Variants in SLC17A4 observed in about 807,000 individuals in gnomAD.
The protein encoded by SLC17A4 is probable small intestine urate exporter.
SLC17A4 carries 33 observed loss-of-function variants against 52.5 expected under a neutral mutation model. The observed-to-expected ratio is 0.63, with a 90% CI of 0.48 to 0.84. The LOEUF is 0.84. Among genes scored for constraint, SLC17A4 ranks in the 40% least tolerant of loss-of-function variants. The probability of loss-of-function intolerance (pLI) is 0.00; values close to 1 mark genes in which losing one functional copy is unlikely to be tolerated. For missense variants in SLC17A4, 585 were observed against 597.1 expected (o/e 0.98, Z 0.21); for synonymous variants, 225 against 216.2 (o/e 1.04, Z -0.36).
At chr6:25,761,879 T>C in intron 1 of SLC17A4, 48 bp from the exon 2 acceptor site, 1 of 1,100,002 alleles carries the variant, frequency 9.1e-7, no homozygotes, top group Non-Finnish European at 1.3e-6. Context: ...TGGGGTAATA[T>C]CATATAAGAT....
chr6:25,767,874 C>T (rs1206207723), intron 2 of SLC17A4, among the ~76,000 whole-genome samples: 1 of 152,036 alleles, frequency 6.6e-6, no homozygotes, highest in Non-Finnish European at 1.5e-5. Flanking sequence ...TGAATCAAAA[C>T]TCAGTGGGGG....
At chr6:25,774,149 T>C (rs1281991973) in intron 8 of SLC17A4, among the ~76,000 whole-genome samples, 2 of 152,180 alleles carry the variant, frequency 1.3e-5, no homozygotes, top group South Asian at 2.1e-4. Flanking sequence ...AAGACTTACA[T>C]AGACATTTGC....
At chr6:25,772,166 A>C (rs1485190262) in intron 6 of SLC17A4, among the ~76,000 whole-genome samples, 1 of 152,236 alleles carries the variant, frequency 6.6e-6, no homozygotes, top group African/African-American at 2.4e-5. Context: ...AAAACTTTGA[A>C]AGGGCAGGTT....
rs1762239738 is a variant in SLC17A4 at position 25,768,848 on chromosome 6, A to G, written c.92-137A>G. On this transcript the variant is annotated intron_variant, in intron 2 of 11. Coordinates refer to ENST00000377905, the MANE Select transcript of SLC17A4 (RefSeq NM_005495.3). ...CCTCCCAGGGGAACAAAATTCCACT[A>G]CACACCTACAGAGGAATGTCTGCTC... The G allele has an allele frequency of 3.7e-6, 3 of 802,320 alleles. No homozygotes were observed. The Admixed American group carries it at 6.9e-5, about 18-fold the overall frequency. The allele number at this position is 802,320 out of a possible 1,614,324, so 49.7% of individuals were successfully genotyped here.
At chr6:25,768,901 T>C (rs909410944) in intron 2 of SLC17A4, 84 bp from the exon 3 acceptor site, 2 of 1,249,984 alleles carry the variant, frequency 1.6e-6, no homozygotes, top group South Asian at 1.3e-5. Flanking sequence ...CTCAGACAGA[T>C]ACCAATCTTC....
chr6:25,757,464 A>T (rs891193282), intron 1 of SLC17A4, among the ~76,000 whole-genome samples: 2 of 152,064 alleles, frequency 1.3e-5, no homozygotes, highest in Non-Finnish European at 2.9e-5. Context: ...GTAGTCTTCA[A>T]ATAATCTCAT....
intron 1 of SLC17A4, among the ~76,000 whole-genome samples, 172 bp downstream of exon 1, chr6:25,754,953 C>T (rs1760875688): frequency 6.6e-6 from 1 of 151,646 alleles, no homozygotes; most frequent in Admixed American, 6.6e-5. Flanking sequence ...AGGGATGTTG[C>T]ATTAAGAGCC....
intron 5 of SLC17A4, 110 bp downstream of exon 5, chr6:25,770,581 TTTCC>T: frequency 2.9e-6 from 3 of 1,018,848 alleles, no homozygotes; most frequent in Non-Finnish European, 4.6e-6. Flanking sequence ...TTCATAGTCC[TTTCC>T]TTAAAGCACT....
At chr6:25,762,100 T>C (rs1198223557) in intron 2 of SLC17A4, 47 bp downstream of exon 2, 1 of 1,531,028 alleles carries the variant, frequency 6.5e-7, no homozygotes, top group Admixed American at 1.8e-5. Context: ...CTAGGATCTG[T>C]GGCACTGTAA....
intron 1 of SLC17A4, among the ~76,000 whole-genome samples, chr6:25,758,030 C>T (rs1761172877): frequency 6.6e-6 from 1 of 152,214 alleles, no homozygotes; most frequent in African/African-American, 2.4e-5. Flanking sequence ...TGTGCTTCTT[C>T]ACCTCTGCTG....
rs1454026737 is a variant in SLC17A4 at position 25,761,537 on chromosome 6, G to C, written c.-36-390G>C. On this transcript the variant is annotated intron_variant, in intron 1 of 11. Transcript: ENST00000377905. Reference sequence around the variant, plus strand: ...TATATTTTATGTAATATGTATAGGTGTTTATAATAGTTTTTCAGGTAATTT... The same window carrying C: ...TATATTTTATGTAATATGTATAGGTCTTTATAATAGTTTTTCAGGTAATTT... Among the ~76,000 whole-genome samples the C allele has an allele frequency of 3.3e-5, 5 of 152,272 alleles. No homozygotes were observed. In the East Asian group the frequency reaches 9.6e-4, roughly 29 times the overall value.
chr6:25,773,582 G>T lies in SLC17A4; in HGVS notation c.895G>T (p.Val299Phe), dbSNP rs1762653904. 6.2e-7 allele frequency: 1 copy of T among 1,613,932 alleles called. No individual in the cohort carries two copies. The highest frequency in any genetic ancestry group is 1.1e-5 in the South Asian group (1 of 91,070). The change falls in exon 8 of 12, where the codon GTC (valine) becomes TTC (phenylalanine). Residue 299 changes from valine (V) to phenylalanine (F), a missense_variant. Coordinates refer to ENST00000377905, the MANE Select transcript of SLC17A4 (RefSeq NM_005495.3). ...IKSLPLWAIL[V>F]SYFCEYWLFY... ...ATCCTTACCACTCTGGGCCATTTTA[G>T]TCTCTTATTTCTGTGAATACTGGCT...
At chr6:25,775,416 T>G (rs1762825715) in intron 8 of SLC17A4, among the ~76,000 whole-genome samples, 1 of 152,030 alleles carries the variant, frequency 6.6e-6, no homozygotes. Flanking sequence ...CCAATGATAA[T>G]TCTTTCTATG....
At chr6:25,765,404 A>G (rs1304968894) in intron 2 of SLC17A4, among the ~76,000 whole-genome samples, 1 of 152,240 alleles carries the variant, frequency 6.6e-6, no homozygotes, top group African/African-American at 2.4e-5. Flanking sequence ...GGGATGAAGT[A>G]ACACATCTTA....
At chr6:25,757,683 G>C (rs891162226) in intron 1 of SLC17A4, among the ~76,000 whole-genome samples, 10 of 152,110 alleles carry the variant, frequency 6.6e-5, no homozygotes, top group African/African-American at 2.4e-4. Context: ...TTCCAGGGCT[G>C]GTGGGTAGGG....
At chr6:25,770,028 T>C (rs374333664) in intron 3 of SLC17A4, 39 bp from the exon 4 acceptor site, 88 of 1,588,086 alleles carry the variant, frequency 5.5e-5, no homozygotes, top group Non-Finnish European at 7.2e-5. Context: ...CTGTCAATCC[T>C]TCAACTAAAG....
chr6:25,772,658 G>A (rs1762576922), intron 6 of SLC17A4, among the ~76,000 whole-genome samples: 1 of 152,088 alleles, frequency 6.6e-6, no homozygotes, highest in South Asian at 2.1e-4. Context: ...TTCACATAAT[G>A]TACTGCTGCT....
chr6:25,757,328 C>T (rs1159278655), intron 1 of SLC17A4, among the ~76,000 whole-genome samples: 2 of 152,054 alleles, frequency 1.3e-5, no homozygotes, highest in Non-Finnish European at 2.9e-5. Flanking sequence ...TTTCATTTCA[C>T]CAGCACCTAC....
Position 25,761,987 on chromosome 6 carries a change from G to C in SLC17A4, c.25G>C (p.Ala9Pro). 1 of 1,613,338 alleles carries C rather than the reference G, an allele frequency of 6.2e-7. No homozygotes were observed. Among genetic ancestry groups the C allele is most frequent in the Non-Finnish European group, 8.5e-7 (1 of 1,179,786 alleles). Residue 9 changes from alanine (A) to proline (P), a missense_variant, in exon 2 of 12, where the codon GCT (alanine) becomes CCT (proline). Coordinates refer to ENST00000377905, the MANE Select transcript of SLC17A4 (RefSeq NM_005495.3). The part of the protein sequence containing the change: MSTGPDVK[A>P]TVGDISSDGN... ...AATGTCTACCGGACCAGATGTCAAG[G>C]CTACAGTGGGGGACATTTCCAGTGA...
Sources: gnomAD v4.1 joint callset for allele counts (sites outside exome capture counted in the v4.1 genomes callset) on GRCh38, gnomAD v4.1.1 for gene constraint, MANE v1.5 for transcripts, NCBI Gene and HGNC (gene_info 2026-07-23, HGNC 2026-07-21) for gene names.